MRTFB: variants seen among roughly 807,000 people sequenced by gnomAD.
MRTFB encodes the protein myocardin-related transcription factor B.
A neutral mutation model predicts 104.2 loss-of-function variants in MRTFB; 29 were observed. The ratio of observed to expected loss-of-function variants is 0.28; its 90% CI spans 0.21 to 0.38. MRTFB has a LOEUF of 0.38. Among genes scored for constraint, MRTFB ranks in the 10% least tolerant of loss-of-function variants. MRTFB has a pLI of 1.00. For synonymous variants in MRTFB, 535 were observed against 519.5 expected, an observed-to-expected ratio of 1.03 and a Z score of -0.41; for missense variants, 1,270 against 1,341.6, an observed-to-expected ratio of 0.95 and a Z score of 0.83.
the MRTFB span, among the ~76,000 whole-genome samples, chr16:14,006,386 C>A: frequency 6.6e-6 from 1 of 151,518 alleles, no homozygotes; most frequent in Non-Finnish European, 1.5e-5. Flanking sequence ...TGTGGTAGCA[C>A]GCGCCTGTAA....
Position 14,138,803 on chromosome 16 carries a change from A to G in MRTFB, c.-63-1741A>G, listed in dbSNP as rs576386704. ...ATGCATACTCAGTTGAATTTCAGCA[A>G]AGATGCAAAGGCAGCTTAATAAAGA... On this transcript the variant is annotated intron_variant, in intron 2 of 16. Coordinates refer to ENST00000571589, the MANE Select transcript of MRTFB (RefSeq NM_001308142.2). 9.8e-5 allele frequency among the ~76,000 whole-genome samples: 15 copies of G among 152,356 alleles called. 1 individual carries two copies. The South Asian group carries it at 2.9e-3, about 29-fold the overall frequency.
At chr16:14,103,283 A>T (rs571713530) in intron 2 of MRTFB, among the ~76,000 whole-genome samples, 2 of 152,346 alleles carry the variant, frequency 1.3e-5, no homozygotes, top group South Asian at 4.1e-4. Context: ...TCCTGATCAA[A>T]GGTGCTCAGG....
At chr16:14,249,841 G>C (rs2043180197) in intron 13 of MRTFB, among the ~76,000 whole-genome samples, 1 of 152,180 alleles carries the variant, frequency 6.6e-6, no homozygotes, top group Admixed American at 6.5e-5. Context: ...AAAGAACCCA[G>C]GTAATGAGTT....
the MRTFB span, among the ~76,000 whole-genome samples, chr16:13,996,594 C>T: frequency 6.6e-6 from 1 of 152,208 alleles, no homozygotes; most frequent in South Asian, 2.1e-4. Context: ...GAGATTGCGC[C>T]TTGCCCTTGA....
At chr16:14,077,155 T>C (rs1001954990) in intron 1 of MRTFB, among the ~76,000 whole-genome samples, 2 of 152,222 alleles carry the variant, frequency 1.3e-5, no homozygotes, top group African/African-American at 2.4e-5. Context: ...TAATCTCTTA[T>C]GGTATCTGGA....
chr16:14,065,762 T>A, the MRTFB span, among the ~76,000 whole-genome samples: 4 of 152,108 alleles, frequency 2.6e-5, no homozygotes, highest in Admixed American at 1.3e-4. Context: ...AAATTTTTTT[T>A]AATGTATTTT....
At chr16:14,076,709 G>A (rs1344993411) in intron 1 of MRTFB, among the ~76,000 whole-genome samples, 2 of 152,042 alleles carry the variant, frequency 1.3e-5, no homozygotes, top group Non-Finnish European at 2.9e-5. Context: ...ATTTATAATT[G>A]GTGTAAATAC....
intron 2 of MRTFB, among the ~76,000 whole-genome samples, chr16:14,084,905 T>C (rs1002583414): frequency 1.3e-5 from 2 of 152,144 alleles, no homozygotes; most frequent in Non-Finnish European, 2.9e-5. Context: ...GCCAATTAAC[T>C]ATCAGGAGCT....
intron 3 of MRTFB, among the ~76,000 whole-genome samples, chr16:14,164,382 G>C (rs1366479736): frequency 6.6e-6 from 1 of 152,048 alleles, no homozygotes; most frequent in Non-Finnish European, 1.5e-5. Context: ...CATCCATATT[G>C]CTGCAAATAA....
chr16:14,140,519 CTT>C (rs1453481647), intron 2 of MRTFB, 23 bp from the exon 3 acceptor site: 4 of 1,511,422 alleles, frequency 2.6e-6, no homozygotes, highest in African/African-American at 1.4e-5. Flanking sequence ...TGCACCATCT[CTT>C]TACACATTCT....
chr16:14,106,351 G>A (rs1026860287), intron 2 of MRTFB, among the ~76,000 whole-genome samples: 1 of 152,196 alleles, frequency 6.6e-6, no homozygotes, highest in Non-Finnish European at 1.5e-5. Context: ...TCCTACAAGG[G>A]AAACTGCATA....
intron 3 of MRTFB, among the ~76,000 whole-genome samples, chr16:14,180,345 G>A (rs2039726258): frequency 6.6e-6 from 1 of 152,176 alleles, no homozygotes; most frequent in African/African-American, 2.4e-5. Flanking sequence ...TCCATAGCTA[G>A]GGAAGTTATC....
At chr16:14,083,692 G>A (rs562201048) in intron 2 of MRTFB, among the ~76,000 whole-genome samples, 6 of 152,252 alleles carry the variant, frequency 3.9e-5, no homozygotes, top group South Asian at 2.1e-4. Context: ...CACCTTCAGC[G>A]TGTCTTTTAA....
chr16:14,127,768 G>T (rs1234733061), intron 2 of MRTFB, among the ~76,000 whole-genome samples: 2 of 150,874 alleles, frequency 1.3e-5, no homozygotes, highest in East Asian at 3.9e-4. Context: ...TCTTTCTCCA[G>T]GGTGTCATTT....
intron 2 of MRTFB, among the ~76,000 whole-genome samples, chr16:14,081,624 G>A (rs936029300): frequency 2.0e-5 from 3 of 151,194 alleles, no homozygotes; most frequent in African/African-American, 7.3e-5. Flanking sequence ...ATGTCTACCA[G>A]GCTAGAGTGC....
chr16:14,258,393 G>A (rs1453682099), intron 16 of MRTFB, among the ~76,000 whole-genome samples: 3 of 152,038 alleles, frequency 2.0e-5, no homozygotes, highest in South Asian at 2.1e-4. Context: ...CCAGGAGTTC[G>A]AGACCAGCTT....
chr16:14,215,672 ATC>A (rs1435593905), intron 6 of MRTFB, among the ~76,000 whole-genome samples: 63 of 152,346 alleles, frequency 4.1e-4, no homozygotes, highest in African/African-American at 1.3e-3. Context: ...CCCAAGTATC[ATC>A]TTGTATGGTT....
chr16:14,234,278 G>A lies in MRTFB; in HGVS notation c.826G>A (p.Val276Met). Reference protein sequence around the residue: ...VSSAKPGPALVKQSHPKNPND... With the variant: ...VSSAKPGPALMKQSHPKNPND... ...CTCAGCAAAGCCTGGCCCAGCACTG[G>A]TGAAGGTGGGTACTTTGGATACACC... is the stretch of plus-strand genomic sequence containing the variant. The change falls in exon 9 of 17, where the codon GTG becomes ATG. Residue 276 changes from valine (V) to methionine (M), a missense_variant. By Grantham distance (21) the Val-to-Met change is conservative (BLOSUM62 1). This residue lies in a region of MRTFB where 1,144 missense variants were observed against 1,131.5 expected (regional missense o/e 1.01). Transcript: ENST00000571589. The A allele has an allele frequency of 2.5e-6, 4 of 1,613,928 alleles. No homozygotes were observed. Among genetic ancestry groups the A allele is most frequent in the Non-Finnish European group, 3.4e-6 (4 of 1,179,942 alleles).
chr16:14,252,540 T>A, intron 15 of MRTFB, 38 bp downstream of exon 15: 1 of 1,611,610 alleles, frequency 6.2e-7, no homozygotes, highest in South Asian at 1.1e-5. Flanking sequence ...AAGGCTATGG[T>A]GGATGTGCCC....
Sources: gnomAD v4.1 joint callset for allele counts (sites outside exome capture counted in the v4.1 genomes callset) on GRCh38, gnomAD v4.1.1 for gene constraint, gnomAD v4.1.1 regional missense constraint, MANE v1.5 for transcripts, NCBI Gene and HGNC (gene_info 2026-07-23, HGNC 2026-07-21) for gene names.